The following DPYD variants were observed in gnomAD, a reference collection of about 807,000 sequenced individuals.
DPYD encodes the protein dihydropyrimidine dehydrogenase [NADP(+)].
Under a neutral mutation model 116.2 loss-of-function variants are expected in DPYD, and 109 were observed. The ratio of observed to expected loss-of-function variants is 0.94; its 90% CI spans 0.80 to 1.10. The LOEUF (loss-of-function observed/expected upper bound fraction) is 1.10, where lower values mean the gene tolerates loss of function less well. Ranked by LOEUF, DPYD falls within the 50% of genes least tolerant of loss-of-function variation. The pLI, the probability that DPYD is intolerant of heterozygous loss-of-function variation, is 0.00. For missense variants in DPYD, 1,302 were observed against 1,254.5 expected, an observed-to-expected ratio of 1.04 and a Z score of -0.57; for synonymous variants, 440 against 432.0, an observed-to-expected ratio of 1.02 and a Z score of -0.23.
At chr1:97,696,133 A>C (rs545748770) in intron 6 of DPYD, among the ~76,000 whole-genome samples, 1 of 151,360 alleles carries the variant, frequency 6.6e-6, no homozygotes, top group East Asian at 1.9e-4. Context: ...CTTTCAAAAA[A>C]AAAAGAAAGA....
chr1:97,843,035 T>C (rs1291203386), intron 2 of DPYD, among the ~76,000 whole-genome samples: 1 of 152,086 alleles, frequency 6.6e-6, no homozygotes, highest in African/African-American at 2.4e-5. Context: ...CCTTCATCCT[T>C]AAAGACTGTT....
rs188549306 is a variant in DPYD at position 97,244,068 on chromosome 1, A to T, written c.2300-9074T>A. 2.6e-5 allele frequency among the ~76,000 whole-genome samples: 4 copies of T among 152,102 alleles called. No homozygotes were observed. In the East Asian group the frequency reaches 7.7e-4, roughly 29 times the overall value. On this transcript the variant is annotated intron_variant, in intron 18 of 22. Coordinates refer to ENST00000370192, the MANE Select transcript of DPYD (RefSeq NM_000110.4). Reference sequence around the variant, plus strand: ...AGAGCTAAATGTCTTTAAATTTGTCACTAGAGAGAAAAATATATGGCATTT... The same window carrying T: ...AGAGCTAAATGTCTTTAAATTTGTCTCTAGAGAGAAAAATATATGGCATTT...
intron 14 of DPYD, among the ~76,000 whole-genome samples, chr1:97,448,346 T>C (rs1468012949): frequency 2.6e-5 from 4 of 152,232 alleles, no homozygotes; most frequent in Admixed American, 1.3e-4. Context: ...TGTGTAACGA[T>C]TGATATGGTA....
At chr1:97,574,005 A>G (rs1271478869) in intron 10 of DPYD, 35 bp from the exon 11 acceptor site, 3 of 1,608,708 alleles carry the variant, frequency 1.9e-6, no homozygotes, top group African/African-American at 2.7e-5. Flanking sequence ...AAACTTGAAA[A>G]TGTTTCTTAT....
intron 20 of DPYD, among the ~76,000 whole-genome samples, chr1:97,175,360 T>C (rs1311624609): frequency 6.6e-6 from 1 of 152,192 alleles, no homozygotes; most frequent in Non-Finnish European, 1.5e-5. Flanking sequence ...GAGAATACTA[T>C]TCCCAATCAA....
chr1:97,847,377 TTA>T (rs1353416964), intron 2 of DPYD, among the ~76,000 whole-genome samples: 1 of 152,202 alleles, frequency 6.6e-6, no homozygotes, highest in Non-Finnish European at 1.5e-5. Context: ...GCAAATGGTA[TTA>T]TGTCTTCAAC....
At chr1:97,630,727 T>C (rs1008686607) in intron 8 of DPYD, among the ~76,000 whole-genome samples, 3 of 152,144 alleles carry the variant, frequency 2.0e-5, no homozygotes, top group African/African-American at 7.2e-5. Flanking sequence ...AGTAAGAAAG[T>C]ATGGTTTTGT....
At chr1:97,493,308 G>A (rs925750062) in intron 13 of DPYD, among the ~76,000 whole-genome samples, 3 of 152,130 alleles carry the variant, frequency 2.0e-5, no homozygotes, top group African/African-American at 7.2e-5. Context: ...TCGTACTAAC[G>A]GTTTTCATAT....
intron 20 of DPYD, 69 bp from the exon 21 acceptor site, chr1:97,098,701 A>T: frequency 6.5e-7 from 1 of 1,539,754 alleles, no homozygotes; most frequent in Non-Finnish European, 8.9e-7. Flanking sequence ...AGATATAAAC[A>T]TATAAATATT....
chr1:97,496,767 T>C (rs1017691543), intron 13 of DPYD, among the ~76,000 whole-genome samples: 8 of 151,972 alleles, frequency 5.3e-5, no homozygotes, highest in African/African-American at 1.9e-4. Context: ...TCTTCGTTTC[T>C]AATTCTCTCA....
At chr1:97,530,734 A>T (rs948075755) in intron 12 of DPYD, among the ~76,000 whole-genome samples, 2 of 152,146 alleles carry the variant, frequency 1.3e-5, no homozygotes, top group African/African-American at 4.8e-5. Context: ...ACCATTTTAC[A>T]TTGCACCAAC....
intron 22 of DPYD, among the ~76,000 whole-genome samples, chr1:97,079,783 A>G (rs1246525120): frequency 6.6e-6 from 1 of 152,106 alleles, no homozygotes; most frequent in African/African-American, 2.4e-5. Flanking sequence ...TATTGAGCCC[A>G]GATTACCACA....
chr1:97,436,643 T>C (rs180706357), intron 14 of DPYD, among the ~76,000 whole-genome samples: 39 of 152,114 alleles, frequency 2.6e-4, no homozygotes, highest in African/African-American at 9.4e-4. Context: ...TTTGATGGAT[T>C]TTCTCAAGAT....
rs1662881684 is a variant in DPYD, at chr1:97,720,841, A to G, written c.483+669T>C. The G allele has an allele frequency of 3.7e-6, 6 of 1,602,386 alleles. No individual in the cohort carries two copies. In the South Asian group the frequency reaches 6.8e-5, roughly 18 times the overall value. On this transcript the variant is annotated intron_variant, in intron 5 of 22. Coordinates refer to ENST00000370192, the MANE Select transcript of DPYD (RefSeq NM_000110.4). ...GGAATTAACCTGCTTGTTGACTCCA[A>G]ATAGGAGACGTCAGAGAGCCCAAGA...
At chr1:97,568,865 G>A (rs928832382) in intron 11 of DPYD, among the ~76,000 whole-genome samples, 4 of 152,106 alleles carry the variant, frequency 2.6e-5, no homozygotes, top group Middle Eastern at 3.4e-3. Context: ...CTACAATTTA[G>A]TATAAAGGTG....
rs1662773155 is a variant in DPYD, at chr1:97,719,010, A to C, written c.483+2500T>G. ...GGATTAAAATATTACTAGGGAAAAA[A>C]AGTGCCTCCTAGAGTGAGTCACAAT... On this transcript the variant is annotated intron_variant, in intron 5 of 22. Coordinates refer to ENST00000370192, the MANE Select transcript of DPYD (RefSeq NM_000110.4). 2.6e-5 allele frequency among the ~76,000 whole-genome samples: 4 copies of C among 151,802 alleles called. No individual in the cohort carries two copies. In the East Asian group the frequency reaches 7.8e-4, roughly 29 times the overall value.
chr1:97,800,123 T>C (rs1053106520), intron 3 of DPYD, among the ~76,000 whole-genome samples: 1 of 151,936 alleles, frequency 6.6e-6, no homozygotes, highest in Non-Finnish European at 1.5e-5. Flanking sequence ...GTAATAATGG[T>C]AGTTTAAATT....
chr1:97,179,884 A>G (rs1026663278), intron 20 of DPYD, among the ~76,000 whole-genome samples: 2 of 152,156 alleles, frequency 1.3e-5, no homozygotes, highest in African/African-American at 2.4e-5. Flanking sequence ...AACTAGATCA[A>G]TATGGGTAAC....
At chr1:97,607,272 G>C (rs1655654954) in intron 8 of DPYD, among the ~76,000 whole-genome samples, 1 of 151,916 alleles carries the variant, frequency 6.6e-6, no homozygotes, top group Admixed American at 6.6e-5. Context: ...CTGAGTCTCA[G>C]CTTTCTGTTG....
Sources: gnomAD v4.1 joint callset for allele counts (sites outside exome capture counted in the v4.1 genomes callset) on GRCh38, gnomAD v4.1.1 for gene constraint, MANE v1.5 for transcripts, NCBI Gene and HGNC (gene_info 2026-07-23, HGNC 2026-07-21) for gene names.